Variants in WARS2 observed in about 807,000 individuals in gnomAD.
WARS2 encodes the protein tryptophanyl tRNA synthetase 2, mitochondrial, also known as tryptophan--tRNA ligase, mitochondrial.
A neutral mutation model predicts 36.5 loss-of-function variants in WARS2; 28 were observed. That is an observed-to-expected ratio of 0.77 (90% CI 0.57 to 1.05). The LOEUF (loss-of-function observed/expected upper bound fraction) is 1.05. WARS2 is among the 50% of genes least tolerant of loss of function. WARS2 has a pLI of 0.00. For synonymous variants in WARS2, 174 were observed against 178.4 expected, an observed-to-expected ratio of 0.98 and a Z score of 0.20; for missense variants, 435 against 456.8, an observed-to-expected ratio of 0.95 and a Z score of 0.44.
Position 119,098,597 on chromosome 1 carries a change from G to A in WARS2, c.91-21990C>T, listed in dbSNP as rs180963602. ...GCATTACAGGCGCCCGCCATCACGC[G>A]CAGCTAATTTTTGTTATTTTTAGTA... is the stretch of plus-strand genomic sequence containing the variant. On this transcript the variant is annotated intron_variant, in intron 1 of 5. Coordinates refer to ENST00000235521, the MANE Select transcript of WARS2 (RefSeq NM_015836.4). Among the ~76,000 whole-genome samples, 162 of 150,962 alleles carry A rather than the reference G, an allele frequency of 1.1e-3. 1 individual carries two copies. Among genetic ancestry groups the A allele is most frequent in the African/African-American group, 3.5e-3 (145 of 41,076 alleles).
chr1:119,124,910 C>G (rs1477389198), intron 1 of WARS2, among the ~76,000 whole-genome samples: 2 of 152,138 alleles, frequency 1.3e-5, no homozygotes, highest in Non-Finnish European at 2.9e-5. Flanking sequence ...GCAAACCACC[C>G]CAAGGTTAAG....
At chr1:119,061,341 G>A (rs562935812) in intron 2 of WARS2, among the ~76,000 whole-genome samples, 1 of 152,044 alleles carries the variant, frequency 6.6e-6, no homozygotes, top group South Asian at 2.1e-4. Context: ...TAAACAGATA[G>A]AAAATCTCAG....
chr1:119,138,869 A>G (rs1656717997), intron 1 of WARS2, among the ~76,000 whole-genome samples: 1 of 152,252 alleles, frequency 6.6e-6, no homozygotes, highest in Admixed American at 6.5e-5. Flanking sequence ...ATTAACTTTA[A>G]TAGCCCTATT....
At position 119,045,585 on chromosome 1, in the gene WARS2, C is replaced by G; in HGVS notation, c.426G>C (p.Trp142Cys). 1 of 1,590,260 alleles carries G rather than the reference C, an allele frequency of 6.3e-7. No homozygotes were observed. Among genetic ancestry groups the G allele is most frequent in the Non-Finnish European group, 8.6e-7 (1 of 1,164,138 alleles). Residue 142 changes from tryptophan (W) to cysteine (C), a missense_variant, in exon 3 of 6, where the codon TGG (tryptophan) becomes TGC (cysteine). Trp to Cys is a radical substitution (Grantham distance 215, BLOSUM62 -2). Coordinates refer to ENST00000235521, the MANE Select transcript of WARS2 (RefSeq NM_015836.4). Reference protein sequence around the residue: ...RLPRLQHLHQWKAKTTKQKHD... With the variant: ...RLPRLQHLHQCKAKTTKQKHD... ...TAATCAGATTACTGGCATTTACCTTCCACTGATGTAAATGTTGTAATCGAG... is the reference window on the plus strand; with the variant it reads ...TAATCAGATTACTGGCATTTACCTTGCACTGATGTAAATGTTGTAATCGAG...
intron 4 of WARS2, among the ~76,000 whole-genome samples, chr1:119,038,760 G>A (rs556970351): frequency 2.0e-5 from 3 of 152,096 alleles, no homozygotes; most frequent in East Asian, 3.9e-4. Flanking sequence ...AGCTCACTGC[G>A]GCCTCCTCCT....
At chr1:119,046,780 T>TC (rs952386022) in intron 2 of WARS2, among the ~76,000 whole-genome samples, 2 of 151,920 alleles carry the variant, frequency 1.3e-5, no homozygotes, top group African/African-American at 4.8e-5. Flanking sequence ...GTGGCTTTTT[T>TC]TTTTTTTTTC....
At chr1:119,078,743 G>A (rs1041696731) in intron 1 of WARS2, among the ~76,000 whole-genome samples, 2 of 151,746 alleles carry the variant, frequency 1.3e-5, no homozygotes, top group Admixed American at 1.3e-4. Flanking sequence ...TTACATGTAG[G>A]GCATATATTG....
At chr1:119,042,233 T>A (rs754985501) in intron 4 of WARS2, 31 bp downstream of exon 4, 2 of 1,597,832 alleles carry the variant, frequency 1.3e-6, no homozygotes, top group South Asian at 1.1e-5. Flanking sequence ...ACCATGAGTA[T>A]GTATAAGACT....
At chr1:119,133,893 T>A (rs1162937576) in intron 1 of WARS2, among the ~76,000 whole-genome samples, 1 of 152,146 alleles carries the variant, frequency 6.6e-6, no homozygotes, top group Admixed American at 6.5e-5. Context: ...TAAAAATTTT[T>A]GATGGCTAAA....
chr1:119,054,065 A>G (rs959934158), intron 2 of WARS2, among the ~76,000 whole-genome samples: 3 of 150,996 alleles, frequency 2.0e-5, no homozygotes, highest in African/African-American at 7.3e-5. Context: ...TCAAATAATA[A>G]TAATAATTAA....
chr1:119,109,872 C>A (rs778374421), intron 1 of WARS2, among the ~76,000 whole-genome samples: 127 of 151,250 alleles, frequency 8.4e-4, no homozygotes, highest in Admixed American at 3.2e-3. Flanking sequence ...ATTCAATTTT[C>A]TTTCCTTTTT....
At chr1:119,086,065 G>T in intron 1 of WARS2, 1 of 1,177,796 alleles carries the variant, frequency 8.5e-7, no homozygotes, top group Non-Finnish European at 1.2e-6. Context: ...TTGCTATCTT[G>T]CCCAGATTGG....
At chr1:119,096,710 T>A (rs1257728897) in intron 1 of WARS2, among the ~76,000 whole-genome samples, 1 of 152,166 alleles carries the variant, frequency 6.6e-6, no homozygotes, top group Non-Finnish European at 1.5e-5. Flanking sequence ...GAATAGAATA[T>A]GGCTTTTTAT....
chr1:119,121,233 C>G (rs751321353), intron 1 of WARS2, among the ~76,000 whole-genome samples: 2 of 152,064 alleles, frequency 1.3e-5, no homozygotes, highest in Non-Finnish European at 2.9e-5. Context: ...ATCAGTAGCA[C>G]TGCTATACAC....
chr1:119,059,730 A>C (rs1372813658), intron 2 of WARS2, among the ~76,000 whole-genome samples: 1 of 152,302 alleles, frequency 6.6e-6, no homozygotes, highest in East Asian at 1.9e-4. Context: ...TTTCATTGCG[A>C]TTGTGAGAAG....
intron 1 of WARS2, among the ~76,000 whole-genome samples, chr1:119,139,235 T>G (rs1158516485): frequency 6.6e-6 from 1 of 152,208 alleles, no homozygotes; most frequent in Non-Finnish European, 1.5e-5. Context: ...TGCTGAAATT[T>G]AAGGTGACAT....
intron 4 of WARS2, 49 bp downstream of exon 4, chr1:119,042,215 C>G (rs765338789): frequency 7.6e-6 from 12 of 1,577,616 alleles, no homozygotes. Context: ...TTAAAACACT[C>G]TCTTGTCACC....
intron 1 of WARS2, among the ~76,000 whole-genome samples, chr1:119,125,628 T>C (rs1273117552): frequency 1.3e-5 from 2 of 152,216 alleles, no homozygotes; most frequent in Admixed American, 6.5e-5. Flanking sequence ...ACAGGGTCTT[T>C]TAATCATTCA....
intron 1 of WARS2, among the ~76,000 whole-genome samples, chr1:119,102,579 A>T (rs2101463816): frequency 6.6e-6 from 1 of 152,148 alleles, no homozygotes; most frequent in African/African-American, 2.4e-5. Context: ...TCTTTATCAG[A>T]TCCTTCAAGT....
Sources: gnomAD v4.1 joint callset for allele counts (sites outside exome capture counted in the v4.1 genomes callset) on GRCh38, gnomAD v4.1.1 for gene constraint, MANE v1.5 for transcripts, NCBI Gene and HGNC (gene_info 2026-07-23, HGNC 2026-07-21) for gene names.